TSPAN12: variants seen among roughly 807,000 people sequenced by gnomAD.
TSPAN12 encodes the protein tetraspanin 12, also known as tetraspanin-12.
A neutral mutation model predicts 39.2 loss-of-function variants in TSPAN12; 19 were observed. That is an observed-to-expected ratio of 0.49 (90% CI 0.34 to 0.71). TSPAN12 has a LOEUF of 0.71. Ranked by LOEUF, TSPAN12 falls within the 30% of genes least tolerant of loss-of-function variation. The pLI, the probability that TSPAN12 is intolerant of heterozygous loss-of-function variation, is 0.01. For synonymous variants in TSPAN12, 119 were observed against 124.8 expected, an observed-to-expected ratio of 0.95 and a Z score of 0.31; for missense variants, 314 against 359.9, an observed-to-expected ratio of 0.87 and a Z score of 1.03.
At chr7:120,790,104 C>T (rs181093833) in intron 7 of TSPAN12, among the ~76,000 whole-genome samples, 24 of 152,230 alleles carry the variant, frequency 1.6e-4, no homozygotes, top group Non-Finnish European at 1.3e-4. Flanking sequence ...AAAACCCACT[C>T]GGGAACCCTC....
intron 2 of TSPAN12, among the ~76,000 whole-genome samples, chr7:120,848,180 G>T (rs568307963): frequency 1.3e-5 from 2 of 152,234 alleles, no homozygotes; most frequent in African/African-American, 4.8e-5. Context: ...TGAACATCAA[G>T]TCCAGTGTAA....
chr7:120,839,206 T>C (rs1322458747), intron 3 of TSPAN12, among the ~76,000 whole-genome samples: 1 of 152,200 alleles, frequency 6.6e-6, no homozygotes, highest in Non-Finnish European at 1.5e-5. Context: ...CCATCTATTA[T>C]TATCTCCGAA....
chr7:120,850,091 C>T (rs1312489489), intron 2 of TSPAN12, among the ~76,000 whole-genome samples: 2 of 152,188 alleles, frequency 1.3e-5, no homozygotes, highest in Non-Finnish European at 2.9e-5. Flanking sequence ...TTTGCTAAAG[C>T]TGTGAAAGAA....
At chr7:120,800,686 A>G (rs1293765776) in intron 7 of TSPAN12, among the ~76,000 whole-genome samples, 1 of 149,788 alleles carries the variant, frequency 6.7e-6, no homozygotes, top group Non-Finnish European at 1.5e-5. Flanking sequence ...GCAAGACCAC[A>G]CTGCAGTGGC....
chr7:120,844,820 G>A (rs1794642455), intron 2 of TSPAN12, among the ~76,000 whole-genome samples: 1 of 152,188 alleles, frequency 6.6e-6, no homozygotes, highest in African/African-American at 2.4e-5. Context: ...TGGTCTGGAG[G>A]AGAGTGGCCC....
intron 6 of TSPAN12, among the ~76,000 whole-genome samples, chr7:120,808,179 C>G (rs1424999531): frequency 1.3e-5 from 2 of 152,106 alleles, no homozygotes; most frequent in Non-Finnish European, 2.9e-5. Context: ...CAGCAAGGAA[C>G]AGCCTATTTA....
At chr7:120,814,061 G>A in intron 5 of TSPAN12, 1 of 373,376 alleles carries the variant, frequency 2.7e-6, no homozygotes, top group South Asian at 2.0e-5. Context: ...ATATGTGTGA[G>A]TGTGCCAAAG....
At chr7:120,850,975 A>T (rs1766355654) in intron 2 of TSPAN12, among the ~76,000 whole-genome samples, 1 of 152,120 alleles carries the variant, frequency 6.6e-6, no homozygotes, top group Non-Finnish European at 1.5e-5. Flanking sequence ...CAGGCATGAG[A>T]CACCGCGTCC....
intron 7 of TSPAN12, among the ~76,000 whole-genome samples, chr7:120,792,313 T>C (rs915823997): frequency 6.6e-6 from 1 of 152,322 alleles, no homozygotes; most frequent in Non-Finnish European, 1.5e-5. Context: ...TTATTTGACC[T>C]GAACTTGAAG....
intron 2 of TSPAN12, among the ~76,000 whole-genome samples, chr7:120,846,539 G>A (rs1046516437): frequency 1.6e-4 from 25 of 152,308 alleles, no homozygotes; most frequent in Non-Finnish European, 3.2e-4. Context: ...TATCTTTTAA[G>A]TGGTGTATTC....
In TSPAN12 at chr7:120,811,679, A is replaced by G. The variant is rs554944399; in HGVS notation, c.361-1109T>C. On this transcript the variant is annotated intron_variant, in intron 5 of 7. Coordinates refer to ENST00000222747, the MANE Select transcript of TSPAN12 (RefSeq NM_012338.4). ...AGCGAGACTCGGTCTCAAAAAAAAAAAAAAGAAAAGAAAATATATATACCA... is the reference window on the plus strand; with the variant it reads ...AGCGAGACTCGGTCTCAAAAAAAAAGAAAAGAAAAGAAAATATATATACCA... Among the ~76,000 whole-genome samples the G allele has an allele frequency of 4.3e-4, 65 of 151,894 alleles. 1 individual carries two copies. Among genetic ancestry groups the G allele is most frequent in the Admixed American group, 9.2e-4 (14 of 15,248 alleles).
At position 120,810,552 on chromosome 7, in the gene TSPAN12, C is replaced by A. The variant is rs781585728; in HGVS notation, c.379G>T (p.Asp127Tyr). 1 of 1,613,392 alleles carries A rather than the reference C, an allele frequency of 6.2e-7. No individual in the cohort carries two copies. Among genetic ancestry groups the A allele is most frequent in the Non-Finnish European group, 8.5e-7 (1 of 1,179,700 alleles). The change falls in exon 6 of 8, where the codon GAT (aspartate) becomes TAT (tyrosine). Residue 127 changes from aspartate to tyrosine, a missense_variant. Asp to Tyr is a radical substitution (Grantham distance 160). Transcript: ENST00000222747. The part of the protein sequence containing the change: ...QELMVPVQWS[D>Y]MVTLKARMTN... Reference sequence around the variant, plus strand: ...ATCCTGGCTTTCAAAGTGACCATATCTGACCATTGTACTGGAACCTGGTGA... The same window carrying A: ...ATCCTGGCTTTCAAAGTGACCATATATGACCATTGTACTGGAACCTGGTGA...
At chr7:120,851,270 T>C (rs1458424724) in intron 2 of TSPAN12, among the ~76,000 whole-genome samples, 2 of 152,184 alleles carry the variant, frequency 1.3e-5, no homozygotes, top group Non-Finnish European at 2.9e-5. Flanking sequence ...AAAGAGAGCA[T>C]TGAGCCTCCT....
intron 7 of TSPAN12, among the ~76,000 whole-genome samples, chr7:120,798,102 C>T (rs371459866): frequency 2.0e-5 from 3 of 152,160 alleles, no homozygotes; most frequent in African/African-American, 7.2e-5. Flanking sequence ...ATTGAATAGA[C>T]AGAATAGAGA....
In TSPAN12 at chr7:120,788,709, G is replaced by C. The variant is rs762717803; in HGVS notation, c.801C>G (p.Asn267Lys). 10 of 1,614,048 alleles carry C rather than the reference G, an allele frequency of 6.2e-6. No homozygotes were observed. Among genetic ancestry groups the C allele is most frequent in the Middle Eastern group, 1.6e-4 (1 of 6,084 alleles). Residue 267 changes from asparagine (N) to lysine (K), a missense_variant, in exon 8 of 8, where the codon AAC (asparagine) becomes AAG (lysine). Asn to Lys is a moderately conservative substitution (Grantham distance 94, BLOSUM62 0). Transcript: ENST00000222747. Reference sequence around the variant, plus strand: ...CTGAGGGACATGACAGGTGCTGAGAGTTGTCATTCTTCAAGGACATCATTT... The same window carrying C: ...CTGAGGGACATGACAGGTGCTGAGACTTGTCATTCTTCAAGGACATCATTT... The part of the protein sequence containing the change: ...TDQMMSLKND[N>K]SQHLSCPSVE...
intron 2 of TSPAN12, among the ~76,000 whole-genome samples, chr7:120,841,485 C>T (rs1008874155): frequency 6.6e-6 from 1 of 152,038 alleles, no homozygotes; most frequent in Non-Finnish European, 1.5e-5. Context: ...AGACATGACC[C>T]AGTGCAATAC....
At chr7:120,792,963 C>T (rs1315810897) in intron 7 of TSPAN12, among the ~76,000 whole-genome samples, 1 of 152,216 alleles carries the variant, frequency 6.6e-6, no homozygotes, top group Non-Finnish European at 1.5e-5. Flanking sequence ...GCCCTGTCCA[C>T]ACCGGAACAA....
At chr7:120,841,710 T>C (rs1460357883) in intron 2 of TSPAN12, among the ~76,000 whole-genome samples, 2 of 152,204 alleles carry the variant, frequency 1.3e-5, no homozygotes, top group African/African-American at 4.8e-5. Flanking sequence ...ATATCTATAT[T>C]TGTAAGAAAA....
In TSPAN12 at chr7:120,788,523, A is replaced by G; in HGVS notation, c.*69T>C. ...TTATTTCTACATATTTCTGAAACAC[A>G]TAGTATGTACTCAAAAATTCACAAG... On this transcript the variant is annotated 3_prime_UTR_variant, in exon 8 of 8. Transcript: ENST00000222747. 6.5e-7 allele frequency: 1 copy of G among 1,549,034 alleles called. No individual in the cohort carries two copies. Among genetic ancestry groups the G allele is most frequent in the South Asian group, 1.1e-5 (1 of 89,248 alleles).
Sources: allele counts gnomAD v4.1 joint callset (sites outside exome capture counted in the v4.1 genomes callset), GRCh38; gene constraint gnomAD v4.1.1; transcripts MANE v1.5; gene names NCBI Gene and HGNC (gene_info 2026-07-23, HGNC 2026-07-21).